The following ANGPT1 variants were observed in gnomAD, a reference collection of about 807,000 sequenced individuals.
ANGPT1 encodes the protein angiopoietin-1.
Under a neutral mutation model 62.2 loss-of-function variants are expected in ANGPT1, and 17 were observed. The ratio of observed to expected loss-of-function variants is 0.27; its 90% CI spans 0.19 to 0.41. The LOEUF (loss-of-function observed/expected upper bound fraction) is 0.41. Among genes scored for constraint, ANGPT1 ranks in the 10% least tolerant of loss-of-function variants. The probability of loss-of-function intolerance (pLI) is 1.00; values close to 1 mark genes in which losing one functional copy is unlikely to be tolerated. For missense variants in ANGPT1, 478 were observed against 594.9 expected, an observed-to-expected ratio of 0.80 and a Z score of 2.04; for synonymous variants, 199 against 198.9, an observed-to-expected ratio of 1.00 and a Z score of 0.00.
chr8:107,436,086 T>C (rs1321495943), intron 1 of ANGPT1, among the ~76,000 whole-genome samples: 1 of 152,116 alleles, frequency 6.6e-6, no homozygotes, highest in Non-Finnish European at 1.5e-5. Context: ...AACTTTTTTT[T>C]GTAGAGATGG....
intron 1 of ANGPT1, among the ~76,000 whole-genome samples, chr8:107,378,614 G>T (rs1816575105): frequency 6.6e-6 from 1 of 152,076 alleles, no homozygotes; most frequent in Admixed American, 6.6e-5. Context: ...ATGTTTGGGG[G>T]TTGGGACCTG....
chr8:107,340,780 CAGCGT>C (rs1815680303), intron 2 of ANGPT1, among the ~76,000 whole-genome samples: 1 of 151,990 alleles, frequency 6.6e-6, no homozygotes, highest in South Asian at 2.1e-4. Flanking sequence ...AGGTGTGAGC[CAGCGT>C]GCCTGGCCAA....
At chr8:107,331,260 A>G (rs1304787714) in intron 3 of ANGPT1, among the ~76,000 whole-genome samples, 1 of 152,190 alleles carries the variant, frequency 6.6e-6, no homozygotes, top group African/African-American at 2.4e-5. Context: ...CTTAAAATTA[A>G]TTAACTTAAT....
At chr8:107,408,236 G>A (rs569483141) in intron 1 of ANGPT1, among the ~76,000 whole-genome samples, 1 of 152,194 alleles carries the variant, frequency 6.6e-6, no homozygotes, top group African/African-American at 2.4e-5. Flanking sequence ...ACTTCTAAAT[G>A]TTTGCTATTT....
Position 107,424,752 on chromosome 8 carries a change from T to C in ANGPT1, c.297+72510A>G, listed in dbSNP as rs143781472. On this transcript the variant is annotated intron_variant, in intron 1 of 8. Coordinates refer to ENST00000517746, the MANE Select transcript of ANGPT1 (RefSeq NM_001146.5). The stretch of plus-strand genomic sequence containing the variant: ...ACTGCTACGGGATTAATTATTTTAT[T>C]TGGAATCATAATATTTCTCAGAATC... Among the ~76,000 whole-genome samples the C allele has an allele frequency of 2.6e-5, 4 of 152,356 alleles. No individual in the cohort carries two copies. In the East Asian group the frequency reaches 7.7e-4, roughly 29 times the overall value.
At chr8:107,428,621 GT>G (rs1256516014) in intron 1 of ANGPT1, among the ~76,000 whole-genome samples, 2 of 148,130 alleles carry the variant, frequency 1.4e-5, no homozygotes, top group Admixed American at 6.7e-5. Context: ...AGTGCTGGTA[GT>G]TTTTTCATTT....
chr8:107,262,547 A>T (rs1279011026), intron 8 of ANGPT1, among the ~76,000 whole-genome samples: 1 of 152,244 alleles, frequency 6.6e-6, no homozygotes, highest in Non-Finnish European at 1.5e-5. Context: ...CAAGTAAGAT[A>T]GTACAACATG....
At chr8:107,417,135 T>C (rs1311787780) in intron 1 of ANGPT1, among the ~76,000 whole-genome samples, 2 of 152,082 alleles carry the variant, frequency 1.3e-5, no homozygotes, top group Non-Finnish European at 2.9e-5. Context: ...TTAGAGTATA[T>C]TTTTAGTGTC....
At chr8:107,345,908 A>T (rs1021963141) in intron 2 of ANGPT1, among the ~76,000 whole-genome samples, 1 of 152,198 alleles carries the variant, frequency 6.6e-6, no homozygotes, top group South Asian at 2.1e-4. Flanking sequence ...TAGTGTTACT[A>T]ATCAAGGGAG....
intron 8 of ANGPT1, among the ~76,000 whole-genome samples, chr8:107,257,870 G>GTTTTTTTTTTTTTTTTTTTTTTTTTTTT (rs750634420): frequency 1.1e-4 from 5 of 45,244 alleles, no homozygotes; most frequent in Admixed American, 2.5e-4. Context: ...CCAAGGACTT[G>GTTTTTTTTTTTTTTTTTTTTTTTTTTTT]TTTTTGTTTC....
chr8:107,281,606 G>A (rs539328927), intron 7 of ANGPT1, among the ~76,000 whole-genome samples: 6 of 152,016 alleles, frequency 3.9e-5, no homozygotes, highest in Admixed American at 1.3e-4. Flanking sequence ...GTGAAACTCC[G>A]TCTCTACTAA....
At chr8:107,272,389 T>C (rs1384250964) in intron 7 of ANGPT1, among the ~76,000 whole-genome samples, 1 of 152,040 alleles carries the variant, frequency 6.6e-6, no homozygotes, top group Non-Finnish European at 1.5e-5. Context: ...CCTGTATAAA[T>C]TGTACTCTGG....
intron 1 of ANGPT1, among the ~76,000 whole-genome samples, chr8:107,347,920 A>G (rs1185504599): frequency 6.6e-6 from 1 of 152,174 alleles, no homozygotes; most frequent in South Asian, 2.1e-4. Flanking sequence ...TCATTAAGTG[A>G]CTTACTGCAA....
intron 1 of ANGPT1, among the ~76,000 whole-genome samples, chr8:107,485,577 G>C (rs1309372201): frequency 6.6e-6 from 1 of 152,062 alleles, no homozygotes; most frequent in Non-Finnish European, 1.5e-5. Flanking sequence ...TCTTGGCTTG[G>C]GCCCAAAATA....
chr8:107,459,528 C>CAACAAA (rs1554596576), intron 1 of ANGPT1, among the ~76,000 whole-genome samples: 47 of 140,468 alleles, frequency 3.3e-4, no homozygotes, highest in East Asian at 1.7e-3. Flanking sequence ...ACAACAACAA[C>CAACAAA]AAAACAAGTA....
chr8:107,418,956 C>T (rs1293467213), intron 1 of ANGPT1, among the ~76,000 whole-genome samples: 11 of 152,180 alleles, frequency 7.2e-5, no homozygotes, highest in African/African-American at 1.4e-4. Context: ...TTGTGCAAAA[C>T]GCAAATACAT....
At chr8:107,338,979 A>G (rs1013310097) in intron 2 of ANGPT1, among the ~76,000 whole-genome samples, 6 of 152,146 alleles carry the variant, frequency 3.9e-5, no homozygotes, top group African/African-American at 1.4e-4. Context: ...AATGAAATCT[A>G]TTTTCTTTCT....
At chr8:107,431,918 A>G (rs1015701897) in intron 1 of ANGPT1, among the ~76,000 whole-genome samples, 5 of 152,224 alleles carry the variant, frequency 3.3e-5, no homozygotes, top group Non-Finnish European at 7.3e-5. Context: ...CTTAAAATGA[A>G]TATTACCAGC....
At chr8:107,376,458 G>A (rs547178775) in intron 1 of ANGPT1, among the ~76,000 whole-genome samples, 5 of 152,324 alleles carry the variant, frequency 3.3e-5, no homozygotes, top group East Asian at 1.9e-4. Context: ...GTTCAGGGAG[G>A]AGGAAGAAAG....
Sources: gnomAD v4.1 joint callset for allele counts (sites outside exome capture counted in the v4.1 genomes callset) on GRCh38, gnomAD v4.1.1 for gene constraint, MANE v1.5 for transcripts, NCBI Gene and HGNC (gene_info 2026-07-23, HGNC 2026-07-21) for gene names.